BAALC: variants seen among roughly 807,000 people sequenced by gnomAD.
BAALC encodes brain and acute leukemia cytoplasmic protein.
In BAALC, 9 loss-of-function variants were observed where a neutral mutation model predicts 15.5. The observed-to-expected ratio is 0.58, with a 90% CI of 0.35 to 1.02. BAALC has a LOEUF of 1.02. Ranked by LOEUF, BAALC falls within the 50% of genes least tolerant of loss-of-function variation. The pLI is 0.02. For synonymous variants in BAALC, 80 were observed against 74.6 expected (o/e 1.07, Z -0.37); for missense variants, 201 against 192.4 (o/e 1.04, Z -0.27).
chr8:103,149,595 C>T (rs973376864), intron 1 of BAALC, among the ~76,000 whole-genome samples: 9 of 152,076 alleles, frequency 5.9e-5, no homozygotes, highest in South Asian at 2.1e-4. Flanking sequence ...TTTAAAGTTC[C>T]GGATGGGGGG....
intron 1 of BAALC, among the ~76,000 whole-genome samples, chr8:103,207,052 C>G (rs1466809363): frequency 6.6e-6 from 1 of 152,118 alleles, no homozygotes; most frequent in African/African-American, 2.4e-5. Context: ...GGAGAAGAAG[C>G]CAGGGGTGAG....
rs1262686937 is a variant in BAALC at position 103,141,000 on chromosome 8, G to T, written c.103G>T (p.Ala35Ser). Residue 35 changes from alanine (A) to serine (S), a missense_variant, in exon 1 of 3, where the codon GCG becomes TCG. By Grantham distance (99) the Ala-to-Ser change is moderately conservative. Transcript: ENST00000309982. This position sits in a 1 kb window ranked among gnomAD's most constrained non-coding sequence, Gnocchi z 4.2. The stretch of plus-strand genomic sequence containing the variant: ...CTGGCTCACCTACACCGACTCGGAC[G>T]CGCCGCCCAGCGCCGCCGCCCCGGA... ...STWLTYTDSD[A>S]PPSAAAPDSG... The T allele has an allele frequency of 1.8e-5, 27 of 1,524,164 alleles. No homozygotes were observed. In the East Asian group the frequency reaches 6.5e-4, roughly 36 times the overall value. 94.4% of individuals were successfully genotyped at this position (1,524,164 alleles called of 1,614,324 possible).
intron 2 of BAALC, among the ~76,000 whole-genome samples, chr8:103,220,627 A>ATAATTTAAACTGTGGT (rs1812656178): frequency 6.6e-6 from 1 of 152,254 alleles, no homozygotes; most frequent in Non-Finnish European, 1.5e-5. Context: ...AAATAAATGC[A>ATAATTTAAACTGTGGT]TAATTTAAAC....
chr8:103,145,701 T>C (rs1222879126), intron 1 of BAALC, among the ~76,000 whole-genome samples: 1 of 152,226 alleles, frequency 6.6e-6, no homozygotes, highest in Non-Finnish European at 1.5e-5. Context: ...TATAATCAAA[T>C]TTAAGTTTTA....
intron 1 of BAALC, among the ~76,000 whole-genome samples, chr8:103,168,511 G>GT (rs200573493): frequency 0.019 from 2,606 of 140,440 alleles, 67 homozygotes; most frequent in African/African-American, 0.059. Context: ...ATATGTGTTT[G>GT]TTTTTTTTTT....
intron 1 of BAALC, among the ~76,000 whole-genome samples, chr8:103,161,339 T>C (rs1411548995): frequency 6.6e-6 from 1 of 152,076 alleles, no homozygotes; most frequent in African/African-American, 2.4e-5. Context: ...TATATCCATA[T>C]CTGTATCTAT....
chr8:103,188,074 G>C (rs938630148), intron 1 of BAALC, among the ~76,000 whole-genome samples: 1 of 152,124 alleles, frequency 6.6e-6, no homozygotes, highest in African/African-American at 2.4e-5. Context: ...TAACAGGAAG[G>C]CCTAGGATAG....
chr8:103,190,718 C>T (rs1413613362), intron 1 of BAALC, among the ~76,000 whole-genome samples: 1 of 152,166 alleles, frequency 6.6e-6, no homozygotes, highest in African/African-American at 2.4e-5. Context: ...TTTATAAGGA[C>T]TTCATTGATT....
intron 1 of BAALC, among the ~76,000 whole-genome samples, chr8:103,209,411 G>A (rs1451180893): frequency 1.3e-5 from 2 of 152,084 alleles, no homozygotes; most frequent in South Asian, 2.1e-4. Context: ...CACTGGGGGA[G>A]ACAGCAAGCA....
chr8:103,143,309 G>T (rs1416824584), intron 1 of BAALC, among the ~76,000 whole-genome samples: 1 of 152,092 alleles, frequency 6.6e-6, no homozygotes, highest in Non-Finnish European at 1.5e-5. Flanking sequence ...CCCCCTGCCA[G>T]TGCTTTACTC....
intron 1 of BAALC, among the ~76,000 whole-genome samples, chr8:103,204,651 T>C (rs1199740546): frequency 6.6e-6 from 1 of 152,208 alleles, no homozygotes; most frequent in Non-Finnish European, 1.5e-5. Flanking sequence ...TCAGTTGTCA[T>C]AGCACATGTG....
rs116278396 is a variant in BAALC, at chr8:103,215,681, G to A, written c.327+2596G>A. On this transcript the variant is annotated intron_variant, in intron 2 of 2. Transcript: ENST00000309982. Reference sequence around the variant, plus strand: ...GGGGGCAAAACCAAACTACTTGAACGCATTTCGTGTCTCTGCTCACATCAT... The same window carrying A: ...GGGGGCAAAACCAAACTACTTGAACACATTTCGTGTCTCTGCTCACATCAT... Among the ~76,000 whole-genome samples the A allele has an allele frequency of 5.5e-3, 832 of 152,246 alleles. 3 individuals are homozygous for A. The highest frequency in any genetic ancestry group is 0.019 in the African/African-American group (789 of 41,528).
chr8:103,197,893 G>A (rs140536729), intron 1 of BAALC, among the ~76,000 whole-genome samples: 6 of 152,200 alleles, frequency 3.9e-5, no homozygotes, highest in East Asian at 1.9e-4. Context: ...CCTCCAACAC[G>A]GGATTACATT....
intron 1 of BAALC, chr8:103,165,931 A>G (rs1338123851): frequency 4.6e-5 from 7 of 152,164 alleles, no homozygotes; most frequent in Admixed American, 4.6e-4. Flanking sequence ...TGCTTGATAC[A>G]TGCTAGCCAT....
At chr8:103,212,807 T>A in intron 1 of BAALC, 112 bp from the exon 2 acceptor site, 1 of 1,171,840 alleles carries the variant, frequency 8.5e-7, no homozygotes, top group Non-Finnish European at 1.2e-6. Context: ...GTGGGATTTC[T>A]GGCAACTTTT....
intron 1 of BAALC, among the ~76,000 whole-genome samples, chr8:103,212,128 T>G (rs565644665): frequency 1.3e-5 from 2 of 152,272 alleles, no homozygotes; most frequent in African/African-American, 4.8e-5. Flanking sequence ...AGTCCAACAC[T>G]TTGAGCTGGA....
chr8:103,176,949 G>A (rs937263091), intron 1 of BAALC, among the ~76,000 whole-genome samples: 18 of 152,134 alleles, frequency 1.2e-4, no homozygotes, highest in Non-Finnish European at 2.4e-4. Flanking sequence ...GTTAGTTTGA[G>A]CTGGTGGGTA....
At chr8:103,227,242 G>A (rs922342825) in intron 2 of BAALC, among the ~76,000 whole-genome samples, 1 of 152,080 alleles carries the variant, frequency 6.6e-6, no homozygotes, top group African/African-American at 2.4e-5. Context: ...GAGGACCTTC[G>A]TATATTTCTG....
intron 1 of BAALC, among the ~76,000 whole-genome samples, chr8:103,150,936 G>A (rs991437007): frequency 6.6e-6 from 1 of 152,108 alleles, no homozygotes; most frequent in Non-Finnish European, 1.5e-5. Context: ...GGGTCCCTGG[G>A]CCTCAACCTG....
Sources: gnomAD v4.1 joint callset for allele counts (sites outside exome capture counted in the v4.1 genomes callset) on GRCh38, gnomAD v4.1.1 for gene constraint, Gnocchi (gnomAD v3.1) non-coding constraint, MANE v1.5 for transcripts, NCBI Gene and HGNC (gene_info 2026-07-23, HGNC 2026-07-21) for gene names.